Variants in PLA2G4D observed in about 807,000 individuals in gnomAD.
PLA2G4D encodes phospholipase A2 group IVD, also known as cytosolic phospholipase A2 delta.
PLA2G4D carries 80 observed loss-of-function variants against 94.4 expected under a neutral mutation model. The observed-to-expected ratio is 0.85, with a 90% CI of 0.71 to 1.02. The LOEUF (loss-of-function observed/expected upper bound fraction) is 1.02. Among genes scored for constraint, PLA2G4D ranks in the 50% least tolerant of loss-of-function variants. The probability of loss-of-function intolerance (pLI) is 0.00; values close to 1 mark genes in which losing one functional copy is unlikely to be tolerated. For synonymous variants in PLA2G4D, 438 were observed against 440.9 expected, an observed-to-expected ratio of 0.99 and a Z score of 0.08; for missense variants, 1,050 against 1,034.7, an observed-to-expected ratio of 1.01 and a Z score of -0.20.
At chr15:42,082,465 GA>G in intron 8 of PLA2G4D, 76 bp from the exon 9 acceptor site, 1 of 965,904 alleles carries the variant, frequency 1.0e-6, no homozygotes. Flanking sequence ...CTACAATCCA[GA>G]CAGACACATT....
chr15:42,093,647 C>T (rs1261854842), intron 1 of PLA2G4D, among the ~76,000 whole-genome samples: 2 of 152,170 alleles, frequency 1.3e-5, no homozygotes, highest in East Asian at 3.9e-4. Context: ...GTCTGCCCTG[C>T]CCCAGGCTGA....
intron 19 of PLA2G4D, among the ~76,000 whole-genome samples, chr15:42,069,474 GA>G (rs1421710078): frequency 6.6e-6 from 1 of 152,182 alleles, no homozygotes; most frequent in Non-Finnish European, 1.5e-5. Flanking sequence ...CAGTTGGTGA[GA>G]AGAGAAGATA....
chr15:42,083,938 C>T lies in PLA2G4D; in HGVS notation c.472-159G>A, dbSNP rs77959926. On this transcript the variant is annotated intron_variant, in intron 6 of 19. Transcript: ENST00000290472. ...CTGCAGAGGCCCTTCATCCCATTGC[C>T]GATCCTCTGCCGCGGCTGAACCTGA... The T allele has an allele frequency of 9.9e-4, 656 of 665,216 alleles. 12 individuals are homozygous for T. In the East Asian group the frequency reaches 0.018, roughly 18 times the overall value. 41.2% of individuals were successfully genotyped at this position (665,216 alleles called of 1,614,324 possible). A position where few individuals can be genotyped will look rare whatever the true frequency, so the allele number is the denominator to read the frequency against.
chr15:42,085,447 G>GAC, intron 5 of PLA2G4D, 44 bp downstream of exon 5: 2 of 1,572,750 alleles, frequency 1.3e-6, no homozygotes, highest in Non-Finnish European at 1.7e-6. Flanking sequence ...TTTCCTCAGA[G>GAC]CCTGAGTCCT....
chr15:42,070,061 C>G lies in PLA2G4D; in HGVS notation c.2078G>C (p.Arg693Pro). 1 of 1,521,324 alleles carries G rather than the reference C, an allele frequency of 6.6e-7. No homozygotes were observed. The highest frequency in any genetic ancestry group is 8.8e-7 in the Non-Finnish European group (1 of 1,134,734). The allele number at this position is 1,521,324 out of a possible 1,614,324, so 94.2% of individuals were successfully genotyped here. Residue 693 changes from arginine (R) to proline (P), a missense_variant, in exon 19 of 20, where the codon CGG (arginine) becomes CCG (proline). By Grantham distance (103) the Arg-to-Pro change is moderately radical. Transcript: ENST00000290472. The stretch of plus-strand genomic sequence containing the variant: ...TTCCACCCGGGGGAAGGGCAGCCCC[C>G]GGGCCCGGCAGTACAGCTCCGTCTG... ...LQQTELYCRARGLPFPRVEPS... is the reference protein window; with the variant it reads ...LQQTELYCRAPGLPFPRVEPS...
At chr15:42,081,154 C>A (rs748981193) in intron 11 of PLA2G4D, 21 bp from the exon 12 acceptor site, 2 of 1,608,738 alleles carry the variant, frequency 1.2e-6, no homozygotes, top group South Asian at 1.1e-5. Flanking sequence ...CACAGACAGG[C>A]TGGATTAACA....
Position 42,087,608 on chromosome 15 carries a change from C to A in PLA2G4D, c.118+20G>T. On this transcript the variant is annotated intron_variant, in intron 2 of 19. Transcript: ENST00000290472. ...CTGGTCCTCCCTGCTCCCGACAGAG[C>A]GCACAGGGCGGTTACTCACACAGGT... 3 of 1,613,792 alleles carry A rather than the reference C, an allele frequency of 1.9e-6. No individual in the cohort carries two copies. The highest frequency in any genetic ancestry group is 2.2e-5 in the East Asian group (1 of 44,878).
At chr15:42,088,551 G>C (rs1176967772) in intron 1 of PLA2G4D, among the ~76,000 whole-genome samples, 2 of 152,198 alleles carry the variant, frequency 1.3e-5, no homozygotes, top group Non-Finnish European at 1.5e-5. Context: ...TGTTCTTCCT[G>C]AGCCCTGCAG....
At position 42,084,818 on chromosome 15, in the gene PLA2G4D, G is replaced by A. The variant is rs148579555; in HGVS notation, c.471+278C>T. Among the ~76,000 whole-genome samples, 258 of 152,264 alleles carry A rather than the reference G, an allele frequency of 1.7e-3. 6 individuals carry two copies. In the East Asian group the frequency reaches 0.027, roughly 16 times the overall value. On this transcript the variant is annotated intron_variant, in intron 6 of 19. Coordinates refer to ENST00000290472, the MANE Select transcript of PLA2G4D (RefSeq NM_178034.4). This position sits in a 1 kb window ranked among gnomAD's most constrained non-coding sequence, Gnocchi z 4.8. ...CAATCCCTAGAACTATGAGTTCACC[G>A]CAGGTGACTAAACACCTTCCGGAAG...
chr15:42,072,240 T>G, intron 14 of PLA2G4D, 35 bp downstream of exon 14: 2 of 1,535,674 alleles, frequency 1.3e-6, no homozygotes, highest in Non-Finnish European at 1.8e-6. Flanking sequence ...GTTTGGGGGG[T>G]GGAGTATGTG....
At chr15:42,070,264 A>G (rs996625906) in intron 18 of PLA2G4D, 169 bp from the exon 19 acceptor site, 20 of 631,560 alleles carry the variant, frequency 3.2e-5, no homozygotes, top group Non-Finnish European at 4.6e-5. Context: ...GGGGAGTCCA[A>G]GGACTCTGGT....
In PLA2G4D at chr15:42,067,678, T is replaced by A. The variant is rs974717351; in HGVS notation, c.*1037A>T. 1.3e-5 allele frequency: 2 copies of A among 151,820 alleles called. No homozygotes were observed. The highest frequency in any genetic ancestry group is 4.8e-5 in the African/African-American group (2 of 41,308). The allele number at this position is 151,820 out of a possible 1,614,324, so 9.4% of individuals were successfully genotyped here. On this transcript the variant is annotated 3_prime_UTR_variant, in exon 20 of 20. Coordinates refer to ENST00000290472, the MANE Select transcript of PLA2G4D (RefSeq NM_178034.4). ...AATATCCAAAAACCAATTAATGCAATAGAGTACATTAATAAAATACACGAC... is the reference window on the plus strand; with the variant it reads ...AATATCCAAAAACCAATTAATGCAAAAGAGTACATTAATAAAATACACGAC...
chr15:42,094,554 C>T lies in PLA2G4D; in HGVS notation c.-95G>A, dbSNP rs961023115. ...GACGGTCCCAGTGGGATAGGACCAG[C>T]ATGAATCTGCCAGCCTTCAATGAGC... On this transcript the variant is annotated 5_prime_UTR_variant, in exon 1 of 20. An upstream start codon of the reference 5' UTR is lost. Transcript: ENST00000290472. 23 of 1,467,204 alleles carry T rather than the reference C, an allele frequency of 1.6e-5. No individual in the cohort carries two copies. In the East Asian group the frequency reaches 5.3e-4, roughly 34 times the overall value. 90.9% of individuals were successfully genotyped at this position (1,467,204 alleles called of 1,614,324 possible).
chr15:42,086,194 T>TTGGGGGC lies in PLA2G4D; in HGVS notation c.387+18_387+19insGCCCCCA. ...GGAAGAAGTGGGGCCCACGGGGACT[T>TTGGGGGC]CCCCACCCACCCACCCACCTGGGGA... On this transcript the variant is annotated intron_variant, in intron 4 of 19. Coordinates refer to ENST00000290472, the MANE Select transcript of PLA2G4D (RefSeq NM_178034.4). The TTGGGGGC allele has an allele frequency of 1.5e-6, 2 of 1,370,444 alleles. No individual in the cohort carries two copies. The highest frequency in any genetic ancestry group is 1.9e-6 in the Non-Finnish European group (2 of 1,043,084). The allele number at this position is 1,370,444 out of a possible 1,614,324, so 84.9% of individuals were successfully genotyped here.
At chr15:42,090,011 T>C (rs1357634303) in intron 1 of PLA2G4D, among the ~76,000 whole-genome samples, 1 of 152,172 alleles carries the variant, frequency 6.6e-6, no homozygotes, top group Admixed American at 6.5e-5. Context: ...ATCGCTAACA[T>C]GGAGTGCCCA....
At position 42,081,904 on chromosome 15, in the gene PLA2G4D, A is replaced by ACTTGGTC. The variant is rs1237439144; in HGVS notation, c.784-77_784-71dup. The ACTTGGTC allele has an allele frequency of 3.1e-6, 4 of 1,304,872 alleles. No homozygotes were observed. In the African/African-American group the frequency reaches 6.1e-5, roughly 20 times the overall value. 80.8% of individuals were successfully genotyped at this position (1,304,872 alleles called of 1,614,324 possible). ...AAGCGGCACATGGGTATCCCTGGGG[A>ACTTGGTC]CTTGGTCCCCTTCATCTTCATTCTT... is the stretch of plus-strand genomic sequence containing the variant. On this transcript the variant is annotated intron_variant, in intron 9 of 19. Transcript: ENST00000290472.
chr15:42,080,809 G>T (rs916479581), intron 12 of PLA2G4D, among the ~76,000 whole-genome samples, 188 bp downstream of exon 12: 1 of 152,154 alleles, frequency 6.6e-6, no homozygotes, highest in African/African-American at 2.4e-5. Flanking sequence ...CACCTCCTGC[G>T]CCGCCTCGCT....
At chr15:42,079,251 A>G (rs1483158146) in intron 13 of PLA2G4D, among the ~76,000 whole-genome samples, 1 of 152,230 alleles carries the variant, frequency 6.6e-6, no homozygotes, top group Non-Finnish European at 1.5e-5. Flanking sequence ...ATAAATAAAA[A>G]CGGTTCTAGC....
chr15:42,080,595 T>C (rs1299979303), intron 12 of PLA2G4D, among the ~76,000 whole-genome samples: 1 of 150,540 alleles, frequency 6.6e-6, no homozygotes. Context: ...TGCTGGGCAT[T>C]AAGTTAAGTG....
Sources: allele counts gnomAD v4.1 joint callset (sites outside exome capture counted in the v4.1 genomes callset), GRCh38; gene constraint gnomAD v4.1.1; non-coding constraint Gnocchi (gnomAD v3.1); transcripts MANE v1.5; gene names NCBI Gene and HGNC (gene_info 2026-07-23, HGNC 2026-07-21).